AGBL4: variants seen among roughly 807,000 people sequenced by gnomAD.
AGBL4 encodes the protein cytosolic carboxypeptidase 6.
A neutral mutation model predicts 66.4 loss-of-function variants in AGBL4; 58 were observed. That is an observed-to-expected ratio of 0.87 (90% CI 0.71 to 1.09). AGBL4 has a LOEUF of 1.09. Ranked by LOEUF, AGBL4 falls within the 50% of genes least tolerant of loss-of-function variation. AGBL4 has a pLI of 0.00. For missense variants in AGBL4, 579 were observed against 631.0 expected (o/e 0.92, Z 0.88); for synonymous variants, 234 against 222.9 (o/e 1.05, Z -0.44).
chr1:48,653,934 G>A (rs993233522), intron 7 of AGBL4, among the ~76,000 whole-genome samples: 1 of 152,180 alleles, frequency 6.6e-6, no homozygotes, highest in African/African-American at 2.4e-5. Flanking sequence ...ACACCAAGAA[G>A]CAGAGAGGAA....
chr1:48,577,201 C>T (rs556416675), intron 11 of AGBL4, among the ~76,000 whole-genome samples: 8 of 152,340 alleles, frequency 5.3e-5, no homozygotes, highest in Non-Finnish European at 7.3e-5. Context: ...GCTCTTCCCA[C>T]ACTTGTGCAA....
At chr1:48,670,800 C>T (rs1379357669) in intron 6 of AGBL4, among the ~76,000 whole-genome samples, 1 of 152,232 alleles carries the variant, frequency 6.6e-6, no homozygotes, top group African/African-American at 2.4e-5. Context: ...CCAGAGCCAC[C>T]TACTCAGAAT....
intron 11 of AGBL4, among the ~76,000 whole-genome samples, chr1:48,555,597 T>G (rs187121268): frequency 6.6e-6 from 1 of 152,288 alleles, no homozygotes; most frequent in East Asian, 1.9e-4. Flanking sequence ...GAGTATGAAC[T>G]TTCTCCTGCA....
At chr1:49,113,558 T>C (rs1406297346) in intron 4 of AGBL4, among the ~76,000 whole-genome samples, 2 of 152,196 alleles carry the variant, frequency 1.3e-5, no homozygotes, top group African/African-American at 4.8e-5. Flanking sequence ...CAGACACAAA[T>C]GTTCTTATTG....
intron 11 of AGBL4, among the ~76,000 whole-genome samples, chr1:48,577,631 C>A (rs1016825015): frequency 6.6e-6 from 1 of 152,096 alleles, no homozygotes; most frequent in East Asian, 1.9e-4. Context: ...ACATTTTGAT[C>A]TGGAGGTGAG....
chr1:48,592,752 C>A (rs745330373), intron 9 of AGBL4, among the ~76,000 whole-genome samples: 15 of 152,100 alleles, frequency 9.9e-5, no homozygotes, highest in African/African-American at 3.4e-4. Flanking sequence ...GTTTCTCTGA[C>A]CTTTCTCAGA....
intron 1 of AGBL4, among the ~76,000 whole-genome samples, chr1:49,865,385 C>T (rs1272605729): frequency 3.3e-5 from 5 of 152,028 alleles, no homozygotes; most frequent in Non-Finnish European, 5.9e-5. Flanking sequence ...ATGGAGCTCC[C>T]GGAGGAAGAA....
At chr1:49,938,898 G>C (rs1218252580) in intron 1 of AGBL4, among the ~76,000 whole-genome samples, 1 of 152,080 alleles carries the variant, frequency 6.6e-6, no homozygotes, top group Non-Finnish European at 1.5e-5. Context: ...ATTAGGAAAA[G>C]AGGAAGTCAA....
chr1:48,789,290 A>ATTTT (rs200014465), intron 6 of AGBL4, among the ~76,000 whole-genome samples: 2 of 63,196 alleles, frequency 3.2e-5, no homozygotes, highest in African/African-American at 7.9e-5. Flanking sequence ...ATATATATAT[A>ATTTT]TATATTTTTT....
intron 6 of AGBL4, among the ~76,000 whole-genome samples, chr1:48,720,513 T>G (rs1647128508): frequency 6.6e-6 from 1 of 152,222 alleles, no homozygotes; most frequent in Admixed American, 6.5e-5. Flanking sequence ...TGTGCCATCT[T>G]GGGCAAATTA....
chr1:49,037,473 G>A lies in AGBL4; in HGVS notation c.594+8111C>T, dbSNP rs558652133. On this transcript the variant is annotated intron_variant, in intron 5 of 13. Transcript: ENST00000371839. ...GGATACAGTCCAAATTCTTTAATTC[G>A]GCATTCAAGGCCCTCCTCACTTGGC... is the stretch of plus-strand genomic sequence containing the variant. 8.5e-5 allele frequency among the ~76,000 whole-genome samples: 13 copies of A among 152,102 alleles called. No homozygotes were observed. In the East Asian group the frequency reaches 2.1e-3, roughly 25 times the overall value.
intron 4 of AGBL4, among the ~76,000 whole-genome samples, chr1:49,159,963 C>T (rs1646509155): frequency 6.6e-6 from 1 of 152,168 alleles, no homozygotes; most frequent in South Asian, 2.1e-4. Context: ...TGCAATTTGT[C>T]TAACCTCTTT....
intron 2 of AGBL4, among the ~76,000 whole-genome samples, chr1:49,835,413 C>T (rs1645820444): frequency 1.3e-5 from 2 of 151,864 alleles, no homozygotes; most frequent in South Asian, 4.1e-4. Context: ...TTTTTCCTAT[C>T]CATTTGCTTG....
intron 1 of AGBL4, among the ~76,000 whole-genome samples, chr1:49,963,820 C>T (rs553747299): frequency 1.3e-4 from 20 of 152,044 alleles, no homozygotes; most frequent in Non-Finnish European, 2.5e-4. Flanking sequence ...CAGACTTTGT[C>T]ATCTAGGTAA....
intron 1 of AGBL4, among the ~76,000 whole-genome samples, chr1:49,873,665 C>T (rs573523983): frequency 6.6e-6 from 1 of 152,134 alleles, no homozygotes; most frequent in South Asian, 2.1e-4. Flanking sequence ...CTGTGGATTA[C>T]CATATCCTCC....
chr1:49,982,505 G>A (rs977874988), intron 1 of AGBL4, among the ~76,000 whole-genome samples: 3 of 152,356 alleles, frequency 2.0e-5, no homozygotes, highest in East Asian at 3.9e-4. Context: ...CCCTCAGCAT[G>A]AAGAGCCTGG....
At chr1:49,844,870 C>T in intron 2 of AGBL4, 1 of 1,475,482 alleles carries the variant, frequency 6.8e-7, no homozygotes, top group Non-Finnish European at 9.4e-7. Context: ...CCTGGCAGTG[C>T]TGGCAGCCTT....
At chr1:48,836,429 T>C (rs1646673223) in intron 6 of AGBL4, among the ~76,000 whole-genome samples, 1 of 152,070 alleles carries the variant, frequency 6.6e-6, no homozygotes, top group Admixed American at 6.6e-5. Context: ...ATACTCCAAA[T>C]GCCTAAGACT....
chr1:49,812,399 T>A (rs1645121009), intron 2 of AGBL4, among the ~76,000 whole-genome samples: 1 of 152,184 alleles, frequency 6.6e-6, no homozygotes, highest in African/African-American at 2.4e-5. Context: ...CACAAGGCTG[T>A]ATACATGGAC....
Sources: gnomAD v4.1 joint callset for allele counts (sites outside exome capture counted in the v4.1 genomes callset) on GRCh38, gnomAD v4.1.1 for gene constraint, MANE v1.5 for transcripts, NCBI Gene and HGNC (gene_info 2026-07-23, HGNC 2026-07-21) for gene names.